The following LARP6 variants were observed in gnomAD, a reference collection of about 807,000 sequenced individuals.
LARP6 encodes the protein La ribonucleoprotein 6, translational regulator.
LARP6 carries 18 observed loss-of-function variants against 32.8 expected under a neutral mutation model. That is an observed-to-expected ratio of 0.55 (90% CI 0.38 to 0.81). LARP6 has a LOEUF of 0.81. Among genes scored for constraint, LARP6 ranks in the 40% least tolerant of loss-of-function variants. The pLI, the probability that LARP6 is intolerant of heterozygous loss-of-function variation, is 0.00. For synonymous variants in LARP6, 289 were observed against 267.2 expected, an observed-to-expected ratio of 1.08 and a Z score of -0.80; for missense variants, 598 against 663.1, an observed-to-expected ratio of 0.90 and a Z score of 1.08.
intron 1 of LARP6, among the ~76,000 whole-genome samples, chr15:70,842,743 C>G (rs1209664588): frequency 1.3e-5 from 2 of 152,226 alleles, no homozygotes; most frequent in East Asian, 3.9e-4. Flanking sequence ...TATTTGCACC[C>G]ACTGAGCAGA....
Position 70,832,772 on chromosome 15 carries a change from T to A in LARP6, c.756A>T (p.Gln252His). ...DIRRISSRYSQVGTQECAIVE... is the reference protein window; with the variant it reads ...DIRRISSRYSHVGTQECAIVE... The stretch of plus-strand genomic sequence containing the variant: ...CGATGGCGCACTCCTGGGTCCCCAC[T>A]TGGCTGTAGCGGCTGCTGATCCTCC... Residue 252 changes from glutamine (Q) to histidine (H), a missense_variant, in exon 3 of 3, where the codon CAA becomes CAT. By Grantham distance (24) the Gln-to-His change is conservative. This residue lies in a region of LARP6 where 368 missense variants were observed against 397.9 expected (regional missense o/e 0.92). Coordinates refer to ENST00000299213, the MANE Select transcript of LARP6 (RefSeq NM_018357.4). The A allele has an allele frequency of 6.2e-7, 1 of 1,606,736 alleles. No individual in the cohort carries two copies. Among genetic ancestry groups the A allele is most frequent in the Non-Finnish European group, 8.5e-7 (1 of 1,177,074 alleles).
chr15:70,851,417 A>G, intron 1 of LARP6: 1 of 1,204,170 alleles, frequency 8.3e-7, no homozygotes, highest in Non-Finnish European at 1.0e-6. Context: ...TGGGGAGATG[A>G]TCAATAACAT....
At chr15:70,833,925 A>G (rs1567020162) in intron 2 of LARP6, among the ~76,000 whole-genome samples, 1 of 152,210 alleles carries the variant, frequency 6.6e-6, no homozygotes, top group Non-Finnish European at 1.5e-5. Flanking sequence ...AAATTGTATC[A>G]ATGTTGCAGT....
chr15:70,843,963 C>CTT (rs1215191701), intron 1 of LARP6, among the ~76,000 whole-genome samples: 1 of 107,156 alleles, frequency 9.3e-6, no homozygotes, highest in Non-Finnish European at 2.0e-5. Context: ...ACCTTTTTTT[C>CTT]TTTTTTTTTT....
At position 70,831,954 on chromosome 15, in the gene LARP6, A is replaced by G. The variant is rs1221451885; in HGVS notation, c.*98T>C. On this transcript the variant is annotated 3_prime_UTR_variant, in exon 3 of 3. Transcript: ENST00000299213. ...GGTCTACATGAATAAAAAATCTCTCAAAGGGGAACGAATTCCATTCTGTCA... is the reference window on the plus strand; with the variant it reads ...GGTCTACATGAATAAAAAATCTCTCGAAGGGGAACGAATTCCATTCTGTCA... 7 of 829,990 alleles carry G rather than the reference A, an allele frequency of 8.4e-6. No individual in the cohort carries two copies. The highest frequency in any genetic ancestry group is 1.3e-5 in the Non-Finnish European group (7 of 540,210). 51.4% of individuals were successfully genotyped at this position (829,990 alleles called of 1,614,324 possible).
At chr15:70,846,580 G>A (rs1030990425) in intron 1 of LARP6, among the ~76,000 whole-genome samples, 1 of 151,976 alleles carries the variant, frequency 6.6e-6, no homozygotes, top group African/African-American at 2.4e-5. Context: ...CTGCACTCTA[G>A]CCTGAGTGAC....
intron 1 of LARP6, among the ~76,000 whole-genome samples, chr15:70,846,436 C>T (rs2032346549): frequency 6.6e-6 from 1 of 152,074 alleles, no homozygotes; most frequent in African/African-American, 2.4e-5. Flanking sequence ...TAGCAAGACC[C>T]TGTCTCTACA....
chr15:70,839,075 G>C (rs187023341), intron 1 of LARP6, among the ~76,000 whole-genome samples: 1 of 152,278 alleles, frequency 6.6e-6, no homozygotes, highest in Non-Finnish European at 1.5e-5. Context: ...AAAATAAAGA[G>C]TTTTAGCTAT....
At chr15:70,833,856 T>A (rs982843574) in intron 2 of LARP6, among the ~76,000 whole-genome samples, 6 of 152,220 alleles carry the variant, frequency 3.9e-5, no homozygotes, top group African/African-American at 1.4e-4. Flanking sequence ...TGAAATTAAA[T>A]CCAACTTGGG....
At chr15:70,851,133 A>G (rs921456616) in intron 1 of LARP6, among the ~76,000 whole-genome samples, 12 of 152,224 alleles carry the variant, frequency 7.9e-5, no homozygotes, top group African/African-American at 2.7e-4. Flanking sequence ...CTCAGTTGCA[A>G]TAATAGTGTT....
At chr15:70,849,049 TAA>T (rs1319995977) in intron 1 of LARP6, 1 of 152,074 alleles carries the variant, frequency 6.6e-6, no homozygotes, top group Non-Finnish European at 1.5e-5. Context: ...ATTATTGATA[TAA>T]GTGTTTTTTA....
chr15:70,832,354 C>A lies in LARP6; in HGVS notation c.1174G>T (p.Val392Phe). 1 of 1,614,098 alleles carries A rather than the reference C, an allele frequency of 6.2e-7. No individual in the cohort carries two copies. The highest frequency in any genetic ancestry group is 8.5e-7 in the Non-Finnish European group (1 of 1,179,952). The change falls in exon 3 of 3, where the codon GTT becomes TTT. Residue 392 changes from valine to phenylalanine, a missense_variant. Coordinates refer to ENST00000299213, the MANE Select transcript of LARP6 (RefSeq NM_018357.4). ...TCCGCCAGTGGGGACTTTCTGGAAA[C>A]GCCTTTGCGTTGGGCCAAGGGGCTG... is the stretch of plus-strand genomic sequence containing the variant. ...WSSPLAQRKG[V>F]SRKSPLAEEG...
At chr15:70,843,509 G>A (rs1595953949) in intron 1 of LARP6, among the ~76,000 whole-genome samples, 1 of 151,992 alleles carries the variant, frequency 6.6e-6, no homozygotes, top group Non-Finnish European at 1.5e-5. Flanking sequence ...CTTGCCAACC[G>A]TAGTCATTCT....
At chr15:70,843,474 A>T (rs2032292029) in intron 1 of LARP6, among the ~76,000 whole-genome samples, 1 of 152,112 alleles carries the variant, frequency 6.6e-6, no homozygotes, top group Non-Finnish European at 1.5e-5. Context: ...AGCTCTATAA[A>T]ATATGCTTAT....
intron 2 of LARP6, among the ~76,000 whole-genome samples, chr15:70,834,598 G>C (rs956719086): frequency 2.0e-5 from 3 of 152,330 alleles, no homozygotes; most frequent in African/African-American, 4.8e-5. Context: ...TACTCAGAGG[G>C]CTACAGAAGT....
intron 1 of LARP6, chr15:70,853,418 C>G (rs922057968): frequency 6.5e-6 from 1 of 153,016 alleles, no homozygotes; most frequent in Non-Finnish European, 1.5e-5. Context: ...CACCTAAAGA[C>G]TGAGCGCAGC....
chr15:70,841,645 G>T (rs1013468907), intron 1 of LARP6, among the ~76,000 whole-genome samples: 1 of 152,026 alleles, frequency 6.6e-6, no homozygotes, highest in African/African-American at 2.4e-5. Context: ...GTTCTCATAA[G>T]ACCTGGTCAT....
chr15:70,840,436 A>G (rs1173715760), intron 1 of LARP6, among the ~76,000 whole-genome samples: 2 of 152,138 alleles, frequency 1.3e-5, no homozygotes, highest in Non-Finnish European at 2.9e-5. Flanking sequence ...GCTACTCAGG[A>G]GGCTGAGGCA....
chr15:70,838,515 A>T (rs573131962), intron 1 of LARP6, among the ~76,000 whole-genome samples: 1 of 152,162 alleles, frequency 6.6e-6, no homozygotes, highest in Non-Finnish European at 1.5e-5. Flanking sequence ...CTCTGGAAAC[A>T]ATCCCATCAC....
Sources: gnomAD v4.1 joint callset for allele counts (sites outside exome capture counted in the v4.1 genomes callset) on GRCh38, gnomAD v4.1.1 for gene constraint, gnomAD v4.1.1 regional missense constraint, MANE v1.5 for transcripts, NCBI Gene and HGNC (gene_info 2026-07-23, HGNC 2026-07-21) for gene names.